AMDHD1: variants seen among roughly 807,000 people sequenced by gnomAD.
The protein encoded by AMDHD1 is probable imidazolonepropionase.
A neutral mutation model predicts 44.1 loss-of-function variants in AMDHD1; 45 were observed. The observed-to-expected ratio is 1.02, with a 90% confidence interval of 0.80 to 1.31. AMDHD1 has a LOEUF of 1.31. Ranked by LOEUF, AMDHD1 falls within the 50% of genes most tolerant of loss-of-function variation. The probability of loss-of-function intolerance (pLI) is 0.00; values close to 1 mark genes in which losing one functional copy is unlikely to be tolerated. For synonymous variants in AMDHD1, 206 were observed against 205.0 expected (o/e 1.00, Z -0.04); for missense variants, 586 against 552.1 (o/e 1.06, Z -0.61).
chr12:95,944,412 G>GT (rs1467109577), intron 1 of AMDHD1, among the ~76,000 whole-genome samples: 6 of 150,432 alleles, frequency 4.0e-5, no homozygotes, highest in Non-Finnish European at 5.9e-5. Flanking sequence ...CCTATTTTTT[G>GT]TTTTTTTGAG....
chr12:95,957,045 C>G, intron 4 of AMDHD1, 83 bp downstream of exon 4: 1 of 1,554,794 alleles, frequency 6.4e-7, no homozygotes, highest in Non-Finnish European at 8.7e-7. Flanking sequence ...AGCACTTTAG[C>G]TCTTGCAGGG....
At chr12:95,954,757 A>G (rs2080541822) in intron 2 of AMDHD1, among the ~76,000 whole-genome samples, 154 bp from the exon 3 acceptor site, 1 of 152,152 alleles carries the variant, frequency 6.6e-6, no homozygotes, top group Non-Finnish European at 1.5e-5. Flanking sequence ...TATCAAGGGA[A>G]CCAGACAGAC....
At position 95,960,393 on chromosome 12, in the gene AMDHD1, C is replaced by T. The variant is rs1282300755; in HGVS notation, c.588-5C>T. 1 of 1,612,662 alleles carries T rather than the reference C, an allele frequency of 6.2e-7. No individual in the cohort carries two copies. The highest frequency in any genetic ancestry group is 1.1e-5 in the South Asian group (1 of 90,614). On this transcript the variant is annotated splice_region_variant and splice_polypyrimidine_tract_variant and intron_variant, in intron 4 of 8. Coordinates refer to ENST00000266736, the MANE Select transcript of AMDHD1 (RefSeq NM_152435.3). ...TGCCCATGGCAATCTCATTTTCTTC[C>T]CCAGAGGAAAAACTGCTACTGAAGC...
chr12:95,959,977 G>A (rs1342605598), intron 4 of AMDHD1, among the ~76,000 whole-genome samples: 1 of 151,978 alleles, frequency 6.6e-6, no homozygotes, highest in Admixed American at 6.6e-5. Flanking sequence ...AGTAGAGACG[G>A]GGTTTTGCCA....
chr12:95,953,703 T>C (rs1376623455), intron 2 of AMDHD1, among the ~76,000 whole-genome samples: 3 of 152,108 alleles, frequency 2.0e-5, no homozygotes, highest in African/African-American at 7.2e-5. Context: ...TGCCTCAGTC[T>C]CCTAAGTAGC....
intron 5 of AMDHD1, 104 bp downstream of exon 5, chr12:95,960,727 ATGGGGAAAT>A (rs2080577393): frequency 2.5e-6 from 3 of 1,196,766 alleles, no homozygotes; most frequent in Non-Finnish European, 3.5e-6. Flanking sequence ...AAGATATTGA[ATGGGGAAAT>A]TTGTTTGAAC....
chr12:95,965,853 T>C (rs2080607616), intron 7 of AMDHD1, 74 bp downstream of exon 7: 1 of 1,033,024 alleles, frequency 9.7e-7, no homozygotes, highest in Non-Finnish European at 1.4e-6. Context: ...AATATTTCAC[T>C]AGCTTTTAAA....
At chr12:95,955,781 G>A (rs1386631699) in intron 3 of AMDHD1, among the ~76,000 whole-genome samples, 1 of 152,146 alleles carries the variant, frequency 6.6e-6, no homozygotes, top group Non-Finnish European at 1.5e-5. Flanking sequence ...GGAGACCCCA[G>A]GCCTGCATCC....
rs954379373 is a variant in AMDHD1, at chr12:95,967,848, T to C, written c.*5T>C. 3.9e-6 allele frequency: 6 copies of C among 1,557,882 alleles called. No individual in the cohort carries two copies. In the East Asian group the frequency reaches 1.1e-4, roughly 29 times the overall value. ...AAACTCATCTATAAAACATGATAGA[T>C]TTGAAAAGAGAAGACTTTTTGACTA... On this transcript the variant is annotated 3_prime_UTR_variant, in exon 9 of 9. Coordinates refer to ENST00000266736, the MANE Select transcript of AMDHD1 (RefSeq NM_152435.3).
At position 95,967,874 on chromosome 12, in the gene AMDHD1, T is replaced by C; in HGVS notation, c.*31T>C. On this transcript the variant is annotated 3_prime_UTR_variant, in exon 9 of 9. Transcript: ENST00000266736. ...TTGAAAAGAGAAGACTTTTTGACTA[T>C]ATGAAATAAGTCAATATAGTTATAT... 3 of 1,373,776 alleles carry C rather than the reference T, an allele frequency of 2.2e-6. No individual in the cohort carries two copies. Among genetic ancestry groups the C allele is most frequent in the Non-Finnish European group, 3.0e-6 (3 of 993,302 alleles). The allele number at this position is 1,373,776 out of a possible 1,614,324, so 85.1% of individuals were successfully genotyped here. A position where few individuals can be genotyped will look rare whatever the true frequency, so the allele number is the denominator to read the frequency against.
At chr12:95,957,070 C>T (rs2080555832) in intron 4 of AMDHD1, 108 bp downstream of exon 4, 1 of 1,471,238 alleles carries the variant, frequency 6.8e-7, no homozygotes, top group African/African-American at 1.4e-5. Context: ...GGATAGAAGT[C>T]TTTGGAAAGA....
chr12:95,959,977 G>C (rs1342605598), intron 4 of AMDHD1, among the ~76,000 whole-genome samples: 1 of 151,980 alleles, frequency 6.6e-6, no homozygotes, highest in African/African-American at 2.4e-5. Flanking sequence ...AGTAGAGACG[G>C]GGTTTTGCCA....
At chr12:95,943,570 C>T (rs1221622985) in intron 1 of AMDHD1, 35 bp downstream of exon 1, 3 of 1,409,690 alleles carry the variant, frequency 2.1e-6, no homozygotes, top group Non-Finnish European at 2.8e-6. Flanking sequence ...GGGACCGCCA[C>T]GGGCGGAGCT....
chr12:95,966,552 A>G (rs2080612151), intron 8 of AMDHD1, 44 bp downstream of exon 8: 1 of 1,609,902 alleles, frequency 6.2e-7, no homozygotes, highest in Non-Finnish European at 8.5e-7. Context: ...TGCCCACTGA[A>G]GTATGCAGAT....
intron 7 of AMDHD1, 47 bp downstream of exon 7, chr12:95,965,826 C>A: frequency 1.7e-6 from 2 of 1,204,528 alleles, no homozygotes; most frequent in Non-Finnish European, 2.3e-6. Flanking sequence ...ATCTACCAAG[C>A]ATATAAATAA....
rs949311446 is a variant in AMDHD1 at position 95,957,034 on chromosome 12, T to C, written c.587+72T>C. ...ACGAACCCCGGGGGTGGAGGCGCAT[T>C]AGCACTTTAGCTCTTGCAGGGAGAT... On this transcript the variant is annotated intron_variant, in intron 4 of 8. Transcript: ENST00000266736. The C allele has an allele frequency of 2.5e-5, 40 of 1,573,260 alleles. 1 individual carries two copies. In the Admixed American group the frequency reaches 6.7e-4, roughly 26 times the overall value.
chr12:95,965,818 C>A, intron 7 of AMDHD1, 39 bp downstream of exon 7: 2 of 1,274,646 alleles, frequency 1.6e-6, no homozygotes, highest in Non-Finnish European at 2.2e-6. Context: ...AGCAGAGTAT[C>A]TACCAAGCAT....
chr12:95,952,952 A>G (rs2080531853), intron 2 of AMDHD1, 129 bp downstream of exon 2: 1 of 590,586 alleles, frequency 1.7e-6, no homozygotes, highest in Non-Finnish European at 2.9e-6. Context: ...CGTTCCATGT[A>G]TTGAATTTCT....
chr12:95,960,679 T>C lies in AMDHD1; in HGVS notation c.813+56T>C, dbSNP rs2080577171. 2.0e-6 allele frequency: 3 copies of C among 1,510,640 alleles called. No homozygotes were observed. In the South Asian group the frequency reaches 3.6e-5, roughly 18 times the overall value. The allele number at this position is 1,510,640 out of a possible 1,614,324, so 93.6% of individuals were successfully genotyped here. ...AACATTCATTCTTGCACATTCATGC[T>C]ATGGGAAACTTAATTAGTTTCTTCA... On this transcript the variant is annotated intron_variant, in intron 5 of 8. Transcript: ENST00000266736.
Sources: allele counts gnomAD v4.1 joint callset (sites outside exome capture counted in the v4.1 genomes callset), GRCh38; gene constraint gnomAD v4.1.1; transcripts MANE v1.5; gene names NCBI Gene and HGNC (gene_info 2026-07-23, HGNC 2026-07-21).